The following PROS1 variants were observed in gnomAD, a reference collection of about 807,000 sequenced individuals.
The protein encoded by PROS1 is protein S, also known as vitamin K-dependent protein S.
A neutral mutation model predicts 75.9 loss-of-function variants in PROS1; 29 were observed. That is an observed-to-expected ratio of 0.38 (90% CI 0.28 to 0.52). The LOEUF (loss-of-function observed/expected upper bound fraction) is 0.52, where lower values mean the gene tolerates loss of function less well. PROS1 is among the 20% of genes least tolerant of loss of function. The pLI, the probability that PROS1 is intolerant of heterozygous loss-of-function variation, is 0.83. For missense variants in PROS1, 680 were observed against 810.3 expected, an observed-to-expected ratio of 0.84 and a Z score of 1.95; for synonymous variants, 245 against 280.6, an observed-to-expected ratio of 0.87 and a Z score of 1.27.
intron 1 of PROS1, among the ~76,000 whole-genome samples, chr3:93,947,632 T>A (rs1426567645): frequency 6.6e-6 from 1 of 152,052 alleles, no homozygotes; most frequent in Non-Finnish European, 1.5e-5. Context: ...AGTGGCGTGA[T>A]CTCGGCTCAC....
At chr3:93,907,367 C>T (rs1708691402) in intron 4 of PROS1, among the ~76,000 whole-genome samples, 2 of 152,064 alleles carry the variant, frequency 1.3e-5, no homozygotes, top group African/African-American at 4.8e-5. Context: ...TGTCTCCAGG[C>T]CCTCCTCTGC....
chr3:93,927,260 T>C lies in PROS1; in HGVS notation c.224A>G (p.Asp75Gly). ...TCCATAAATGCTTACCGTTTCCGGG[T>C]CATTTTCAAAGACCTCCCTGGCTTC... ...KEEAREVFENDPETDYFYPKY... is the reference protein window; with the variant it reads ...KEEAREVFENGPETDYFYPKY... The change falls in exon 2 of 15, where the codon GAC becomes GGC. Residue 75 changes from aspartate (D) to glycine (G), a missense_variant. By Grantham distance (94) the Asp-to-Gly change is moderately conservative. Transcript: ENST00000394236. 6.2e-7 allele frequency: 1 copy of C among 1,612,422 alleles called. No homozygotes were observed. The highest frequency in any genetic ancestry group is 8.5e-7 in the Non-Finnish European group (1 of 1,180,012).
Position 93,927,350 on chromosome 3 carries a change from A to G in PROS1, c.134T>C (p.Leu45Ser). The change falls in exon 2 of 15, where the codon TTA becomes TCA. Residue 45 changes from leucine to serine, a missense_variant. Coordinates refer to ENST00000394236, the MANE Select transcript of PROS1 (RefSeq NM_000313.4). ...VLVRKRRANS[L>S]LEETKQGNLE... Reference sequence around the variant, plus strand: ...ATTACCCTGTTTGGTTTCTTCAAGTAAAGAATTTGCACGACGCTTCCTAAC... The same window carrying G: ...ATTACCCTGTTTGGTTTCTTCAAGTGAAGAATTTGCACGACGCTTCCTAAC... 1 of 1,613,822 alleles carries G rather than the reference A, an allele frequency of 6.2e-7. No homozygotes were observed. The highest frequency in any genetic ancestry group is 8.5e-7 in the Non-Finnish European group (1 of 1,179,962).
chr3:93,937,741 G>C (rs949965737), intron 1 of PROS1, among the ~76,000 whole-genome samples: 2 of 152,158 alleles, frequency 1.3e-5, no homozygotes, highest in African/African-American at 4.8e-5. Context: ...TGGGCTGCCT[G>C]TCTTTGGTTT....
Position 93,879,214 on chromosome 3 carries a change from G to C in PROS1, c.1593C>G (p.Asn531Lys), listed in dbSNP as rs758960496. ...GVMLALVSGN[N>K]TVPFAVSLVD... ...CCAAGGACACAGCAAAGGGCACTGTGTTGTTACCAGAAACCAAGGCAAGCA... is the reference window on the plus strand; with the variant it reads ...CCAAGGACACAGCAAAGGGCACTGTCTTGTTACCAGAAACCAAGGCAAGCA... The change falls in exon 13 of 15, where the codon AAC (asparagine) becomes AAG (lysine). Residue 531 changes from asparagine to lysine, a missense_variant. Physicochemically the swap from Asn to Lys is moderately conservative, Grantham distance 94. Transcript: ENST00000394236. The C allele has an allele frequency of 6.2e-7, 1 of 1,614,064 alleles. No homozygotes were observed. Among genetic ancestry groups the C allele is most frequent in the Non-Finnish European group, 8.5e-7 (1 of 1,180,022 alleles).
intron 1 of PROS1, among the ~76,000 whole-genome samples, chr3:93,967,695 G>T (rs759168160): frequency 1.3e-4 from 20 of 152,076 alleles, no homozygotes; most frequent in Non-Finnish European, 1.5e-5. Context: ...AGATCAGCCT[G>T]GGAAACATAG....
intron 2 of PROS1, among the ~76,000 whole-genome samples, chr3:93,925,061 C>CAA (rs1191063871): frequency 6.6e-6 from 1 of 151,984 alleles, no homozygotes; most frequent in African/African-American, 2.4e-5. Flanking sequence ...GGTTGTGTAC[C>CAA]AAAAGTTTGT....
intron 1 of PROS1, among the ~76,000 whole-genome samples, chr3:93,959,006 T>C (rs1158888102): frequency 2.0e-5 from 3 of 152,212 alleles, no homozygotes; most frequent in Non-Finnish European, 4.4e-5. Context: ...TTCAGTTGTT[T>C]ATATTTAAGC....
At chr3:93,884,639 A>G (rs1708320507) in intron 12 of PROS1, 89 bp downstream of exon 12, 3 of 1,408,946 alleles carry the variant, frequency 2.1e-6, no homozygotes, top group Admixed American at 1.8e-5. Flanking sequence ...TAGATACTCA[A>G]TAATGTTTCA....
At chr3:93,956,485 A>T (rs1216062589) in intron 1 of PROS1, among the ~76,000 whole-genome samples, 1 of 149,472 alleles carries the variant, frequency 6.7e-6, no homozygotes, top group Non-Finnish European at 1.5e-5. Flanking sequence ...CAACAGACTG[A>T]TTCTCTCTCT....
At chr3:93,943,441 C>G (rs1382055573) in intron 1 of PROS1, among the ~76,000 whole-genome samples, 2 of 152,062 alleles carry the variant, frequency 1.3e-5, no homozygotes, top group African/African-American at 4.8e-5. Flanking sequence ...CAGGCCATCA[C>G]CAACCATTCT....
intron 10 of PROS1, among the ~76,000 whole-genome samples, chr3:93,889,548 A>C (rs1432726934): frequency 6.6e-6 from 1 of 152,152 alleles, no homozygotes; most frequent in East Asian, 1.9e-4. Context: ...ATTATTTCCC[A>C]AAGAAGCATC....
chr3:93,918,802 T>C (rs531969771), intron 3 of PROS1, among the ~76,000 whole-genome samples: 1 of 152,286 alleles, frequency 6.6e-6, no homozygotes, highest in Non-Finnish European at 1.5e-5. Flanking sequence ...CTCCTCAGCC[T>C]CCCAAAGTGT....
intron 1 of PROS1, among the ~76,000 whole-genome samples, chr3:93,952,436 A>G (rs1464334952): frequency 4.6e-5 from 7 of 151,998 alleles, no homozygotes; most frequent in Non-Finnish European, 7.4e-5. Flanking sequence ...ACTCAAAACC[A>G]CTCAACTACA....
chr3:93,944,768 C>T (rs866895816), intron 1 of PROS1, among the ~76,000 whole-genome samples: 1 of 151,986 alleles, frequency 6.6e-6, no homozygotes, highest in African/African-American at 2.4e-5. Context: ...AGAGCAAACA[C>T]ATTCAAAAGC....
At chr3:93,929,639 T>C (rs2107207164) in intron 1 of PROS1, among the ~76,000 whole-genome samples, 1 of 152,330 alleles carries the variant, frequency 6.6e-6, no homozygotes, top group South Asian at 2.1e-4. Context: ...CATAATTCTC[T>C]ACAAATCAGC....
chr3:93,959,689 C>T (rs1396541195), intron 1 of PROS1, among the ~76,000 whole-genome samples: 1 of 152,190 alleles, frequency 6.6e-6, no homozygotes, highest in Non-Finnish European at 1.5e-5. Context: ...TTAGTTAAGT[C>T]CCCAGGTAAA....
In PROS1 at chr3:93,973,694, A is replaced by G; in HGVS notation, c.56T>C (p.Leu19Pro). 2 of 1,613,990 alleles carry G rather than the reference A, an allele frequency of 1.2e-6. No homozygotes were observed. Among genetic ancestry groups the G allele is most frequent in the Non-Finnish European group, 8.5e-7 (1 of 1,179,924 alleles). ...CTCACAGTTTGCCTCTGAGACGGGA[A>G]GCACTAGGAGGAGACACGCCAGCAG... ...GALLACLLLV[L>P]PVSEANFLSK... Residue 19 changes from leucine (L) to proline (P), a missense_variant, in exon 1 of 15, where the codon CTT becomes CCT. Leu to Pro is a moderately conservative substitution (Grantham distance 98). Transcript: ENST00000394236.
rs184926102 is a variant in PROS1 at position 93,911,636 on chromosome 3, G to C, written c.260-931C>G. Among the ~76,000 whole-genome samples, 4 of 152,278 alleles carry C rather than the reference G, an allele frequency of 2.6e-5. 1 individual carries two copies. The East Asian group carries it at 7.7e-4, about 29-fold the overall frequency. On this transcript the variant is annotated intron_variant, in intron 3 of 14. Coordinates refer to ENST00000394236, the MANE Select transcript of PROS1 (RefSeq NM_000313.4). ...ACTGCTTCCAAGATGGAGCATCTTG[G>C]AAGTTCTTTGGCATCTCTCTTTCCA...
Sources: allele counts gnomAD v4.1 joint callset (sites outside exome capture counted in the v4.1 genomes callset), GRCh38; gene constraint gnomAD v4.1.1; transcripts MANE v1.5; gene names NCBI Gene and HGNC (gene_info 2026-07-23, HGNC 2026-07-21).